The following PDCD5 variants were observed in gnomAD, a reference collection of about 807,000 sequenced individuals.
PDCD5 encodes the protein programmed cell death 5.
Under a neutral mutation model 21.9 loss-of-function variants are expected in PDCD5, and 23 were observed. The observed-to-expected ratio is 1.05, with a 90% CI of 0.76 to 1.49. The LOEUF (loss-of-function observed/expected upper bound fraction) is 1.49, where lower values mean the gene tolerates loss of function less well. PDCD5 is among the 40% of genes most tolerant of loss of function. The probability of loss-of-function intolerance (pLI) is 0.00; values close to 1 mark genes in which losing one functional copy is unlikely to be tolerated. For synonymous variants in PDCD5, 45 were observed against 49.4 expected, an observed-to-expected ratio of 0.91 and a Z score of 0.37; for missense variants, 152 against 147.7, an observed-to-expected ratio of 1.03 and a Z score of -0.15.
chr19:32,586,448 G>A (rs1279912950), intron 4 of PDCD5: 2 of 1,112,948 alleles, frequency 1.8e-6, no homozygotes, highest in Non-Finnish European at 2.2e-6. Context: ...GGAGAGAGCT[G>A]GTTGGGTTGA....
intron 2 of PDCD5, among the ~76,000 whole-genome samples, chr19:32,583,205 G>GT (rs1971445478): frequency 6.6e-6 from 1 of 152,160 alleles, no homozygotes; most frequent in African/African-American, 2.4e-5. Flanking sequence ...CAGCAACCCT[G>GT]TAAGACTGAA....
chr19:32,582,370 G>C, intron 2 of PDCD5, 138 bp downstream of exon 2: 1 of 701,548 alleles, frequency 1.4e-6, no homozygotes, highest in South Asian at 1.6e-5. Flanking sequence ...TCATCCGCAG[G>C]GTATCTTCAT....
At position 32,587,234 on chromosome 19, in the gene PDCD5, C is replaced by G. The variant is rs1486645857; in HGVS notation, c.331-19C>G. 6.5e-7 allele frequency: 1 copy of G among 1,548,698 alleles called. No homozygotes were observed. Among genetic ancestry groups the G allele is most frequent in the Non-Finnish European group, 8.9e-7 (1 of 1,123,494 alleles). ...GCTTTATTAGAAATGTTCTGACACT[C>G]ATTTAATTTTCCTCCCAGTTCAACA... On this transcript the variant is annotated intron_variant, in intron 5 of 5. Transcript: ENST00000590247.
Position 32,587,249 on chromosome 19 carries a change from C to T in PDCD5, c.331-4C>T. The T allele has an allele frequency of 1.3e-6, 2 of 1,592,772 alleles. No homozygotes were observed. Among genetic ancestry groups the T allele is most frequent in the Non-Finnish European group, 1.7e-6 (2 of 1,162,642 alleles). On this transcript the variant is annotated splice_region_variant and splice_polypyrimidine_tract_variant and intron_variant, in intron 5 of 5. Coordinates refer to ENST00000590247, the MANE Select transcript of PDCD5 (RefSeq NM_004708.4). ...TTCTGACACTCATTTAATTTTCCTC[C>T]CAGTTCAACAGAAGAAAAGTAATGG... is the stretch of plus-strand genomic sequence containing the variant.
chr19:32,586,034 G>A, intron 4 of PDCD5, 127 bp downstream of exon 4: 3 of 1,591,552 alleles, frequency 1.9e-6, no homozygotes, highest in Non-Finnish European at 2.6e-6. Context: ...TTGTTGGAGA[G>A]AATAGTCATA....
Position 32,581,244 on chromosome 19 carries a change from CA to C in PDCD5, c.-17del. ...GCTGCGAGAGTGACCGCGGCTGCTC[CA>C]GCGCTGACGCCGAGCCATGGCGGAC... is the stretch of plus-strand genomic sequence containing the variant. On this transcript the variant is annotated 5_prime_UTR_variant, in exon 1 of 6. Coordinates refer to ENST00000590247, the MANE Select transcript of PDCD5 (RefSeq NM_004708.4). 1 of 1,489,826 alleles carries C rather than the reference CA, an allele frequency of 6.7e-7. No homozygotes were observed. Among genetic ancestry groups the C allele is most frequent in the Non-Finnish European group, 8.9e-7 (1 of 1,118,066 alleles). The allele number at this position is 1,489,826 out of a possible 1,614,324, so 92.3% of individuals were successfully genotyped here. A position where few individuals can be genotyped will look rare whatever the true frequency, so the allele number is the denominator to read the frequency against.
rs115269256 is a variant in PDCD5 at position 32,586,735 on chromosome 19, C to A, written c.259-123C>A. 8.2e-4 allele frequency: 1,162 copies of A among 1,408,760 alleles called. 12 individuals carry two copies. In the African/African-American group the frequency reaches 0.016, roughly 19 times the overall value. 87.3% of individuals were successfully genotyped at this position (1,408,760 alleles called of 1,614,324 possible). ...CCAATAGTTTCAACCTCCTGCCTCA[C>A]CACTGCTTCCTTCCTGAGCTCTTTC... On this transcript the variant is annotated intron_variant, in intron 4 of 5. Transcript: ENST00000590247.
rs773300230 is a variant in PDCD5, at chr19:32,581,255, C to T, written c.-7C>T. 6.6e-7 allele frequency: 1 copy of T among 1,505,458 alleles called. No homozygotes were observed. Among genetic ancestry groups the T allele is most frequent in the South Asian group, 1.2e-5 (1 of 80,224 alleles). 93.3% of individuals were successfully genotyped at this position (1,505,458 alleles called of 1,614,324 possible). On this transcript the variant is annotated 5_prime_UTR_variant, in exon 1 of 6. Coordinates refer to ENST00000590247, the MANE Select transcript of PDCD5 (RefSeq NM_004708.4). Reference sequence around the variant, plus strand: ...GACCGCGGCTGCTCCAGCGCTGACGCCGAGCCATGGCGGACGAGGAGCTTG... The same window carrying T: ...GACCGCGGCTGCTCCAGCGCTGACGTCGAGCCATGGCGGACGAGGAGCTTG...
At chr19:32,583,851 A>C (rs1971452653) in intron 2 of PDCD5, among the ~76,000 whole-genome samples, 1 of 151,502 alleles carries the variant, frequency 6.6e-6, no homozygotes, top group South Asian at 2.1e-4. Flanking sequence ...ATTGTTGTTG[A>C]GATGAAGTCT....
chr19:32,584,157 G>A (rs1007108571), intron 2 of PDCD5, among the ~76,000 whole-genome samples: 2 of 152,080 alleles, frequency 1.3e-5, no homozygotes. Context: ...AAAGTTTGTG[G>A]CAGGGCTGCA....
rs370659830 is a variant in PDCD5, at chr19:32,586,345, C to T, written c.258+438C>T. Reference sequence around the variant, plus strand: ...ACCTGGCCTTTGAGATCAAGACGAACCCCACCTGCCCTGAGAAGCCGTCTG... The same window carrying T: ...ACCTGGCCTTTGAGATCAAGACGAATCCCACCTGCCCTGAGAAGCCGTCTG... On this transcript the variant is annotated intron_variant, in intron 4 of 5. Transcript: ENST00000590247. 6.1e-5 allele frequency: 77 copies of T among 1,266,056 alleles called. 1 individual carries two copies. Among genetic ancestry groups the T allele is most frequent in the Non-Finnish European group, 7.6e-5 (76 of 1,000,112 alleles). The allele number at this position is 1,266,056 out of a possible 1,614,324, so 78.4% of individuals were successfully genotyped here. A position where few individuals can be genotyped will look rare whatever the true frequency, so the allele number is the denominator to read the frequency against.
chr19:32,587,247 TC>T lies in PDCD5; in HGVS notation c.331-3del. ...TGTTCTGACACTCATTTAATTTTCCTCCCAGTTCAACAGAAGAAAAGTAATG... is the reference window on the plus strand; with the variant it reads ...TGTTCTGACACTCATTTAATTTTCCTCCAGTTCAACAGAAGAAAAGTAATG... On this transcript the variant is annotated splice_region_variant and splice_polypyrimidine_tract_variant and intron_variant, in intron 5 of 5. Coordinates refer to ENST00000590247, the MANE Select transcript of PDCD5 (RefSeq NM_004708.4). The T allele has an allele frequency of 6.3e-7, 1 of 1,591,782 alleles. No individual in the cohort carries two copies. Among genetic ancestry groups the T allele is most frequent in the Non-Finnish European group, 8.6e-7 (1 of 1,161,604 alleles).
chr19:32,582,307 C>A, intron 2 of PDCD5, 75 bp downstream of exon 2: 1 of 1,317,844 alleles, frequency 7.6e-7, no homozygotes, highest in Non-Finnish European at 1.1e-6. Context: ...TTATTTTAAG[C>A]AGGTGTGTGA....
intron 5 of PDCD5, 69 bp downstream of exon 5, chr19:32,586,998 T>C: frequency 8.0e-7 from 1 of 1,256,948 alleles, no homozygotes; most frequent in Non-Finnish European, 1.1e-6. Context: ...TGAGTATACA[T>C]CTACCACACA....
At position 32,581,312 on chromosome 19, in the gene PDCD5, G is replaced by A; in HGVS notation, c.51G>A (p.Leu17=). ...EALRRQRLAE[L]QAKHGDPGDA... ...TGAGGAGACAGAGGCTGGCCGAGCT[G>A]CAGGCCAAACACGGGGTGAGCGCAT... Residue 17 remains leucine, a synonymous_variant, in exon 1 of 6, where the codon CTG becomes CTA. Transcript: ENST00000590247. The A allele has an allele frequency of 2.0e-6, 3 of 1,523,330 alleles. No homozygotes were observed. Among genetic ancestry groups the A allele is most frequent in the Non-Finnish European group, 2.6e-6 (3 of 1,139,682 alleles). 94.4% of individuals were successfully genotyped at this position (1,523,330 alleles called of 1,614,324 possible).
At chr19:32,585,187 G>A (rs1244034213) in intron 3 of PDCD5, among the ~76,000 whole-genome samples, 176 bp downstream of exon 3, 2 of 152,136 alleles carry the variant, frequency 1.3e-5, no homozygotes, top group Non-Finnish European at 2.9e-5. Context: ...CCTAGTAAAA[G>A]TACCAGGTCA....
intron 4 of PDCD5, chr19:32,586,238 G>A (rs1971475192): frequency 7.0e-7 from 1 of 1,434,276 alleles, no homozygotes; most frequent in Non-Finnish European, 9.1e-7. Flanking sequence ...TAGAAGGTGT[G>A]TTTTGCAGAT....
At chr19:32,583,908 C>T (rs559922179) in intron 2 of PDCD5, among the ~76,000 whole-genome samples, 4 of 152,206 alleles carry the variant, frequency 2.6e-5, no homozygotes, top group East Asian at 1.9e-4. Context: ...CTTGGCTCAC[C>T]GTAACCTCTG....
chr19:32,583,456 ACTT>A (rs1267005355), intron 2 of PDCD5, among the ~76,000 whole-genome samples: 1 of 145,198 alleles, frequency 6.9e-6, no homozygotes, highest in Non-Finnish European at 1.5e-5. Context: ...ATTTTTTTAA[ACTT>A]TTTTTTTTTT....
Sources: gnomAD v4.1 joint callset for allele counts (sites outside exome capture counted in the v4.1 genomes callset) on GRCh38, gnomAD v4.1.1 for gene constraint, MANE v1.5 for transcripts, NCBI Gene and HGNC (gene_info 2026-07-23, HGNC 2026-07-21) for gene names.